ZEB2: variants seen among roughly 807,000 people sequenced by gnomAD.
ZEB2 encodes the protein zinc finger E-box binding homeobox 2.
ZEB2 carries 6 observed loss-of-function variants against 99.9 expected under a neutral mutation model. The observed-to-expected ratio is 0.06, with a 90% CI of 0.03 to 0.12. The LOEUF is 0.12. ZEB2 is among the 10% of genes least tolerant of loss of function. The pLI is 1.00. For missense variants in ZEB2, 969 were observed against 1,502.8 expected (o/e 0.64, Z 5.87); for synonymous variants, 517 against 542.5 (o/e 0.95, Z 0.65).
chr2:144,473,297 C>T (rs1704384268), intron 2 of ZEB2, among the ~76,000 whole-genome samples: 3 of 152,092 alleles, frequency 2.0e-5, no homozygotes, highest in Admixed American at 1.3e-4. Flanking sequence ...GAAAACTAGG[C>T]AGATAGGGAA....
chr2:144,466,907 T>C (rs371351493), intron 2 of ZEB2, among the ~76,000 whole-genome samples: 2 of 152,146 alleles, frequency 1.3e-5, no homozygotes, highest in East Asian at 3.8e-4. Context: ...CACTGAAAGC[T>C]GACATTATGC....
intron 2 of ZEB2, chr2:144,463,704 A>C (rs1255631904): frequency 6.6e-6 from 1 of 152,010 alleles, no homozygotes. Context: ...ATGGTGGTGC[A>C]TGCCTGTGGT....
intron 2 of ZEB2, among the ~76,000 whole-genome samples, chr2:144,432,793 C>T (rs954276935): frequency 3.3e-5 from 5 of 151,688 alleles, no homozygotes; most frequent in African/African-American, 1.2e-4. Flanking sequence ...ATCATCACCA[C>T]TGGCAGAAGA....
intron 4 of ZEB2, among the ~76,000 whole-genome samples, chr2:144,406,710 G>C (rs1015959056): frequency 6.6e-6 from 1 of 152,222 alleles, no homozygotes; most frequent in Non-Finnish European, 1.5e-5. Flanking sequence ...TACTCTAAAA[G>C]AAGCAGGAAG....
chr2:144,460,964 CACATA>C (rs1704184924), intron 2 of ZEB2: 1 of 152,004 alleles, frequency 6.6e-6, no homozygotes, highest in African/African-American at 2.4e-5. Context: ...TCTGAGACAA[CACATA>C]ACATAAGTTT....
At chr2:144,514,662 A>G (rs1705099678) in intron 2 of ZEB2, among the ~76,000 whole-genome samples, 1 of 152,260 alleles carries the variant, frequency 6.6e-6, no homozygotes, top group African/African-American at 2.4e-5. Flanking sequence ...CAAAACCAGA[A>G]CATTGCTCGG....
At chr2:144,501,998 T>C (rs749844546) in intron 2 of ZEB2, among the ~76,000 whole-genome samples, 2 of 152,224 alleles carry the variant, frequency 1.3e-5, no homozygotes, top group Non-Finnish European at 2.9e-5. Context: ...GTGGGAATTA[T>C]TTGGCATAAG....
intron 2 of ZEB2, among the ~76,000 whole-genome samples, chr2:144,514,687 GT>G (rs1222965302): frequency 2.0e-5 from 3 of 152,196 alleles, no homozygotes; most frequent in Non-Finnish European, 2.9e-5. Flanking sequence ...ATTAAACCCA[GT>G]GAAAAACACT....
At chr2:144,408,152 G>A (rs555243869) in intron 4 of ZEB2, among the ~76,000 whole-genome samples, 2 of 152,232 alleles carry the variant, frequency 1.3e-5, no homozygotes, top group Non-Finnish European at 2.9e-5. Context: ...CAAATCATGC[G>A]CTCTCTTTAA....
At chr2:144,465,142 C>A (rs1244830454) in intron 2 of ZEB2, among the ~76,000 whole-genome samples, 1 of 152,108 alleles carries the variant, frequency 6.6e-6, no homozygotes, top group Non-Finnish European at 1.5e-5. Context: ...CTCAGAAAAC[C>A]CTTTCCTGGA....
chr2:144,477,428 A>G (rs1234956735), intron 2 of ZEB2, among the ~76,000 whole-genome samples: 2 of 152,198 alleles, frequency 1.3e-5, no homozygotes, highest in South Asian at 2.1e-4. Flanking sequence ...ACCAACTTTA[A>G]CCCCTTTACT....
intron 4 of ZEB2, among the ~76,000 whole-genome samples, chr2:144,421,674 A>G (rs547551847): frequency 6.7e-6 from 1 of 150,266 alleles, no homozygotes; most frequent in South Asian, 2.1e-4. Context: ...TTTTTTTTCA[A>G]AAGAAAATCT....
At position 144,480,756 on chromosome 2, in the gene ZEB2, G is replaced by A. The variant is rs534627911; in HGVS notation, c.73+36522C>T. ...AAAAAAAAAAGAAAAAAAAGGACAA[G>A]GCTAATAAATGTTCCCAAAGCTATT... is the stretch of plus-strand genomic sequence containing the variant. On this transcript the variant is annotated intron_variant, in intron 2 of 9. Coordinates refer to ENST00000627532, the MANE Select transcript of ZEB2 (RefSeq NM_014795.4). Among the ~76,000 whole-genome samples the A allele has an allele frequency of 3.7e-3, 550 of 147,704 alleles. 2 individuals are homozygous for A. Among genetic ancestry groups the A allele is most frequent in the Non-Finnish European group, 6.5e-3 (434 of 67,190 alleles).
chr2:144,430,138 C>G (rs1560621145), intron 2 of ZEB2, 112 bp from the exon 3 acceptor site: 3 of 1,436,920 alleles, frequency 2.1e-6, no homozygotes, highest in Non-Finnish European at 2.9e-6. Context: ...CTGAATTACT[C>G]AACCATGTCA....
At chr2:144,512,818 T>A in intron 2 of ZEB2, 1 of 1,286,926 alleles carries the variant, frequency 7.8e-7, no homozygotes, top group Non-Finnish European at 1.0e-6. Context: ...GTGACAAAAC[T>A]TGCAGAAGAT....
At chr2:144,458,129 T>TAC (rs1174708708) in intron 2 of ZEB2, among the ~76,000 whole-genome samples, 11 of 151,582 alleles carry the variant, frequency 7.3e-5, no homozygotes, top group African/African-American at 2.2e-4. Context: ...ATCTATCTTA[T>TAC]ACACACACAT....
chr2:144,484,490 G>A (rs1205712886), intron 2 of ZEB2, among the ~76,000 whole-genome samples: 1 of 151,984 alleles, frequency 6.6e-6, no homozygotes, highest in East Asian at 1.9e-4. Context: ...TTCACAGATC[G>A]GTCAGCCCAC....
chr2:144,503,191 C>T (rs1268140021), intron 2 of ZEB2, among the ~76,000 whole-genome samples: 1 of 152,126 alleles, frequency 6.6e-6, no homozygotes, highest in Admixed American at 6.5e-5. Context: ...TACACAGAAA[C>T]TGGATGAGCA....
intron 2 of ZEB2, among the ~76,000 whole-genome samples, chr2:144,479,593 T>C (rs1704478450): frequency 1.3e-5 from 2 of 148,328 alleles, no homozygotes; most frequent in South Asian, 2.1e-4. Context: ...TCCCAATTTA[T>C]GGCATGCTCC....
Sources: gnomAD v4.1 joint callset for allele counts (sites outside exome capture counted in the v4.1 genomes callset) on GRCh38, gnomAD v4.1.1 for gene constraint, MANE v1.5 for transcripts, NCBI Gene and HGNC (gene_info 2026-07-23, HGNC 2026-07-21) for gene names.